The following NFASC variants were observed in gnomAD, a reference collection of about 807,000 sequenced individuals.
NFASC encodes neurofascin homolog.
In NFASC, 43 loss-of-function variants were observed where a neutral mutation model predicts 147.5. The ratio of observed to expected loss-of-function variants is 0.29; its 90% CI spans 0.23 to 0.38. NFASC has a LOEUF of 0.38. Ranked by LOEUF, NFASC falls within the 10% of genes least tolerant of loss-of-function variation. The probability of loss-of-function intolerance (pLI) is 1.00; values close to 1 mark genes in which losing one functional copy is unlikely to be tolerated. For missense variants in NFASC, 1,320 were observed against 1,689.0 expected, an observed-to-expected ratio of 0.78 and a Z score of 3.83; for synonymous variants, 622 against 665.5, an observed-to-expected ratio of 0.93 and a Z score of 1.01.
rs766992555 is a variant in NFASC at position 204,944,343 on chromosome 1, G to A, written c.28G>A (p.Val10Ile). 7 of 1,613,824 alleles carry A rather than the reference G, an allele frequency of 4.3e-6. No homozygotes were observed. The South Asian group carries it at 7.7e-5, about 18-fold the overall frequency. Reference sequence around the variant, plus strand: ...GGCCAGGCAGCCACCGCCGCCCTGGGTCCATGCAGCCTTCCTCCTCTGCCT... The same window carrying A: ...GGCCAGGCAGCCACCGCCGCCCTGGATCCATGCAGCCTTCCTCCTCTGCCT... MARQPPPPW[V>I]HAAFLLCLLS... is the part of the protein sequence containing the mutation. Residue 10 changes from valine to isoleucine, a missense_variant, in exon 3 of 30, where the codon GTC (valine) becomes ATC (isoleucine). Around this residue, in one of 3 missense-constraint regions of NFASC, gnomAD observed 981 missense variants for 1,289.5 expected, o/e 0.76. Transcript: ENST00000339876.
At chr1:204,906,929 C>T (rs574797638) in intron 1 of NFASC, among the ~76,000 whole-genome samples, 3 of 152,134 alleles carry the variant, frequency 2.0e-5, no homozygotes, top group African/African-American at 4.8e-5. Context: ...GTGATCCGCC[C>T]GCCTTGGCCT....
intron 1 of NFASC, among the ~76,000 whole-genome samples, chr1:204,830,006 G>GTGTGTGT (rs1671738105): frequency 1.6e-4 from 23 of 144,102 alleles, no homozygotes; most frequent in African/African-American, 4.9e-4. Flanking sequence ...TTTGGCATGG[G>GTGTGTGT]GTGTGTGTGT....
chr1:204,977,682 T>G lies in NFASC; in HGVS notation c.1833T>G (p.Ala611=). ...GGATAACCCGTCTTACCTTTGCAGC[T>G]GATCAGGCCACTCCAACTAACCGTT... ...DLAKAYLTVL[A]DQATPTNRLA... The change falls in exon 17 of 30, where the codon GCT becomes GCG. Residue 611 remains alanine (A), a splice_region_variant and synonymous_variant. Coordinates refer to ENST00000339876, the MANE Select transcript of NFASC (RefSeq NM_001005388.3). 6.2e-7 allele frequency: 1 copy of G among 1,609,350 alleles called. No individual in the cohort carries two copies. The highest frequency in any genetic ancestry group is 8.5e-7 in the Non-Finnish European group (1 of 1,176,198).
At chr1:204,980,759 G>A (rs759268774) in intron 20 of NFASC, among the ~76,000 whole-genome samples, 4 of 152,168 alleles carry the variant, frequency 2.6e-5, no homozygotes, top group Admixed American at 2.6e-4. Flanking sequence ...AGGAGGGACT[G>A]GGGTTAGACT....
At chr1:204,858,763 G>T (rs1011425803) in intron 1 of NFASC, among the ~76,000 whole-genome samples, 1 of 152,144 alleles carries the variant, frequency 6.6e-6, no homozygotes. Flanking sequence ...GCTCCGTGTA[G>T]GAGCTCTGGG....
At chr1:204,882,248 A>T (rs2080395450) in intron 1 of NFASC, among the ~76,000 whole-genome samples, 1 of 151,898 alleles carries the variant, frequency 6.6e-6, no homozygotes, top group South Asian at 2.1e-4. Context: ...GCCTTCCTTC[A>T]TGCTTCCCCT....
chr1:204,861,612 C>T (rs2076681259), intron 1 of NFASC, among the ~76,000 whole-genome samples: 1 of 152,188 alleles, frequency 6.6e-6, no homozygotes, highest in African/African-American at 2.4e-5. Context: ...GCCTCAGCCT[C>T]CCGAGTAGCT....
chr1:204,922,403 C>T (rs571799207), intron 2 of NFASC, among the ~76,000 whole-genome samples: 12 of 152,170 alleles, frequency 7.9e-5, no homozygotes, highest in Non-Finnish European at 1.8e-4. Flanking sequence ...CGTTCTGGCT[C>T]GTACTTCTGG....
chr1:204,833,881 G>A (rs1672945309), intron 1 of NFASC, among the ~76,000 whole-genome samples: 1 of 152,150 alleles, frequency 6.6e-6, no homozygotes, highest in African/African-American at 2.4e-5. Context: ...TGCAAAATGG[G>A]GATATTAATA....
At chr1:204,972,979 C>A (rs1217186447) in intron 11 of NFASC, among the ~76,000 whole-genome samples, 1 of 152,192 alleles carries the variant, frequency 6.6e-6, no homozygotes, top group Non-Finnish European at 1.5e-5. Flanking sequence ...ACCAAAACTC[C>A]TTTCTGTTTC....
rs190314219 is a variant in NFASC at position 204,957,847 on chromosome 1, C to T, written c.706+21C>T. On this transcript the variant is annotated intron_variant, in intron 8 of 29. Coordinates refer to ENST00000339876, the MANE Select transcript of NFASC (RefSeq NM_001005388.3). ...CACCAGTAAGTGAAGGCCCCTGTCC[C>T]GGGGCTGGGGGCCAAAGAAAGAAGC... The T allele has an allele frequency of 1.1e-5, 18 of 1,612,834 alleles. No individual in the cohort carries two copies. The East Asian group carries it at 2.0e-4, about 18-fold the overall frequency.
chr1:204,897,052 C>T (rs540474886), intron 1 of NFASC, among the ~76,000 whole-genome samples: 1 of 151,978 alleles, frequency 6.6e-6, no homozygotes, highest in South Asian at 2.1e-4. Flanking sequence ...CTGTAGGTTC[C>T]CCCCCTTCCC....
rs1405809829 is a variant in NFASC, at chr1:204,952,114, C to A, written c.213C>A (p.Pro71=). Residue 71 remains proline (P), a splice_region_variant and synonymous_variant, in exon 5 of 30, where the codon CCC becomes CCA. Transcript: ENST00000339876. ...GTGAAGCAAAAGGGAACCCTGCCCC[C>A]AGGTGAGTGAAGGGGAAAAAGAGTG... ...IECEAKGNPA[P]SFHWTRNSRF... is the part of the protein sequence containing the mutation. 1 of 1,611,598 alleles carries A rather than the reference C, an allele frequency of 6.2e-7. No homozygotes were observed. Among genetic ancestry groups the A allele is most frequent in the Non-Finnish European group, 8.5e-7 (1 of 1,177,858 alleles).
At position 204,975,197 on chromosome 1, in the gene NFASC, A is replaced by T. The variant is rs1301277494; in HGVS notation, c.1559-74A>T. On this transcript the variant is annotated intron_variant, in intron 14 of 29. Coordinates refer to ENST00000339876, the MANE Select transcript of NFASC (RefSeq NM_001005388.3). The surrounding 1 kb of genome is among the most constrained non-coding windows in gnomAD (Gnocchi z 4.0). ...GGCCCAAGGCCTCGAGGGCAGACATATGCCACTTTGTGGCCGCATGGGGAT... is the reference window on the plus strand; with the variant it reads ...GGCCCAAGGCCTCGAGGGCAGACATTTGCCACTTTGTGGCCGCATGGGGAT... The T allele has an allele frequency of 2.6e-5, 39 of 1,520,450 alleles. No homozygotes were observed. Among genetic ancestry groups the T allele is most frequent in the Non-Finnish European group, 3.4e-5 (38 of 1,123,258 alleles). The allele number at this position is 1,520,450 out of a possible 1,614,324, so 94.2% of individuals were successfully genotyped here.
intron 24 of NFASC, among the ~76,000 whole-genome samples, chr1:204,995,315 A>AGTGTGTGT (rs60921990): frequency 0.014 from 1,904 of 140,862 alleles, 25 homozygotes; most frequent in Middle Eastern, 0.028. Flanking sequence ...ATGTGTGCAC[A>AGTGTGTGT]GTGTGTGTGT....
intron 1 of NFASC, among the ~76,000 whole-genome samples, chr1:204,913,356 G>T (rs2088199208): frequency 6.6e-6 from 1 of 152,044 alleles, no homozygotes; most frequent in Admixed American, 6.6e-5. Context: ...AGAGGAATCT[G>T]TAAAAAAATT....
chr1:204,983,416 G>A (rs954735032), intron 21 of NFASC, among the ~76,000 whole-genome samples: 4 of 152,222 alleles, frequency 2.6e-5, no homozygotes, highest in African/African-American at 9.6e-5. Context: ...GGCAAGATAC[G>A]TGATCCACCT....
chr1:204,868,514 T>C (rs528679713), intron 1 of NFASC, among the ~76,000 whole-genome samples: 1 of 152,270 alleles, frequency 6.6e-6, no homozygotes, highest in South Asian at 2.1e-4. Context: ...GCCCAGCAGC[T>C]GTCTTCCCCT....
chr1:204,988,713 C>A lies in NFASC; in HGVS notation c.2674C>A (p.Pro892Thr), dbSNP rs756101082. 1 of 1,614,160 alleles carries A rather than the reference C, an allele frequency of 6.2e-7. No homozygotes were observed. The highest frequency in any genetic ancestry group is 8.5e-7 in the Non-Finnish European group (1 of 1,179,998). The change falls in exon 23 of 30, where the codon CCC becomes ACC. Residue 892 changes from proline to threonine, a missense_variant. Physicochemically the swap from Pro to Thr is conservative, Grantham distance 38. This residue lies in a region of NFASC where 981 missense variants were observed against 1,289.5 expected (regional missense o/e 0.76). Transcript: ENST00000339876. ...QTKFTVQRTD[P>T]VSRYRFTLSA... ...CAAGTTCACGGTGCAAAGAACGGACCCCGTGTCACGCTACCGCTTTACCCT... is the reference window on the plus strand; with the variant it reads ...CAAGTTCACGGTGCAAAGAACGGACACCGTGTCACGCTACCGCTTTACCCT...
Sources: allele counts gnomAD v4.1 joint callset (sites outside exome capture counted in the v4.1 genomes callset), GRCh38; gene constraint gnomAD v4.1.1; regional missense constraint gnomAD v4.1.1; non-coding constraint Gnocchi (gnomAD v3.1); transcripts MANE v1.5; gene names NCBI Gene and HGNC (gene_info 2026-07-23, HGNC 2026-07-21).